The following EIF3L variants were observed in gnomAD, a reference collection of about 807,000 sequenced individuals.
EIF3L encodes eIEF associated protein HSPC021.
Under a neutral mutation model 74.6 loss-of-function variants are expected in EIF3L, and 32 were observed. The observed-to-expected ratio is 0.43, with a 90% CI of 0.32 to 0.58. EIF3L has a LOEUF of 0.58. Among genes scored for constraint, EIF3L ranks in the 20% least tolerant of loss-of-function variants. The pLI is 0.06. For missense variants in EIF3L, 474 were observed against 707.8 expected (o/e 0.67, Z 3.75); for synonymous variants, 256 against 254.4 (o/e 1.01, Z -0.06).
chr22:37,851,687 A>G, intron 3 of EIF3L, 197 bp downstream of exon 3: 1 of 484,930 alleles, frequency 2.1e-6, no homozygotes. Flanking sequence ...ATTTTTTGAA[A>G]CGGAGTGTCA....
At chr22:37,870,702 AT>A (rs997628231) in intron 8 of EIF3L, among the ~76,000 whole-genome samples, 1 of 151,388 alleles carries the variant, frequency 6.6e-6, no homozygotes, top group African/African-American at 2.4e-5. Context: ...ATTTTAAAAA[AT>A]TTTTTTCTTT....
At chr22:37,881,339 A>G (rs1569123841) in intron 11 of EIF3L, 1 of 152,240 alleles carries the variant, frequency 6.6e-6, no homozygotes, top group Non-Finnish European at 1.5e-5. Flanking sequence ...GGTTCAAGCA[A>G]TCCTTCTGTC....
chr22:37,862,240 T>G (rs1925896238), intron 5 of EIF3L, among the ~76,000 whole-genome samples: 1 of 152,162 alleles, frequency 6.6e-6, no homozygotes, highest in East Asian at 1.9e-4. Context: ...TGGGACTGAC[T>G]CCAAAGTTGT....
At chr22:37,853,422 G>A (rs1925334753) in intron 3 of EIF3L, among the ~76,000 whole-genome samples, 1 of 152,232 alleles carries the variant, frequency 6.6e-6, no homozygotes, top group East Asian at 1.9e-4. Context: ...GTGCTGAACT[G>A]TGTTTTCTTT....
chr22:37,855,788 T>C (rs766804719), intron 4 of EIF3L, 144 bp downstream of exon 4: 4 of 605,156 alleles, frequency 6.6e-6, no homozygotes, highest in Non-Finnish European at 1.2e-5. Flanking sequence ...CTTGGCAAAA[T>C]AACTTGTCGA....
At chr22:37,860,024 A>G (rs1925772213) in intron 5 of EIF3L, among the ~76,000 whole-genome samples, 1 of 152,050 alleles carries the variant, frequency 6.6e-6, no homozygotes, top group South Asian at 2.1e-4. Context: ...AAAAGAAAAG[A>G]AAAATGCCAT....
intron 4 of EIF3L, chr22:37,858,464 G>T (rs1056826470): frequency 5.2e-6 from 3 of 579,330 alleles, no homozygotes; most frequent in Non-Finnish European, 9.0e-6. Flanking sequence ...AAATAGATCT[G>T]AATGAGATCT....
At position 37,875,829 on chromosome 22, in the gene EIF3L, C is replaced by T; in HGVS notation, c.907-12C>T. ...TGGGACTCATGAATGTTTGTTCTAC[C>T]TCCTTCTACAGAGTATGTATTCCCG... On this transcript the variant is annotated splice_polypyrimidine_tract_variant and intron_variant, in intron 9 of 12. Transcript: ENST00000652021. 1 of 1,607,588 alleles carries T rather than the reference C, an allele frequency of 6.2e-7. No homozygotes were observed. Among genetic ancestry groups the T allele is most frequent in the Non-Finnish European group, 8.5e-7 (1 of 1,175,280 alleles).
intron 3 of EIF3L, among the ~76,000 whole-genome samples, chr22:37,851,992 C>T (rs1038411936): frequency 2.0e-5 from 3 of 151,694 alleles, no homozygotes; most frequent in African/African-American, 7.3e-5. Context: ...TTAGTAGAGA[C>T]GGGGTTTCAT....
chr22:37,855,531 T>C, intron 3 of EIF3L, 34 bp from the exon 4 acceptor site: 2 of 1,595,064 alleles, frequency 1.3e-6, no homozygotes, highest in Admixed American at 1.7e-5. Context: ...TCCAGTCCTT[T>C]TGGAATTTTA....
Position 37,863,305 on chromosome 22 carries a change from A to C in EIF3L, c.539A>C (p.Asn180Thr). The change falls in exon 7 of 13, where the codon AAC (asparagine) becomes ACC (threonine). Residue 180 changes from asparagine to threonine, a missense_variant. By Grantham distance (65) the Asn-to-Thr change is moderately conservative. Around this residue, in one of 4 missense-constraint regions of EIF3L, gnomAD observed 141 missense variants for 197.7 expected, o/e 0.71. Transcript: ENST00000652021. ...GGTCCTGCTCCCCTTGAACTACCCA[A>C]CCAGTGGCTCTGGGATATTATCGAT... ...ADGPAPLELP[N>T]QWLWDIIDEF... 1 of 1,613,878 alleles carries C rather than the reference A, an allele frequency of 6.2e-7. No individual in the cohort carries two copies. Among genetic ancestry groups the C allele is most frequent in the Non-Finnish European group, 8.5e-7 (1 of 1,179,956 alleles).
chr22:37,877,411 T>C, intron 10 of EIF3L: 5 of 439,626 alleles, frequency 1.1e-5, no homozygotes, highest in Non-Finnish European at 2.0e-5. Flanking sequence ...GACCTGCTAG[T>C]GATGTGTGGG....
chr22:37,849,653 G>A, intron 1 of EIF3L, 171 bp downstream of exon 1: 1 of 721,704 alleles, frequency 1.4e-6, no homozygotes, highest in Non-Finnish European at 2.3e-6. Context: ...CCCTGGCTCT[G>A]CCCGCCCACT....
intron 7 of EIF3L, among the ~76,000 whole-genome samples, chr22:37,868,642 T>TTC (rs1268499029): frequency 3.3e-5 from 3 of 89,576 alleles, no homozygotes; most frequent in Non-Finnish European, 6.5e-5. Context: ...TGCTTTTTTT[T>TTC]TTTTTTTTTT....
In EIF3L at chr22:37,888,884, C is replaced by T. The variant is rs1927454082; in HGVS notation, c.*420C>T. On this transcript the variant is annotated 3_prime_UTR_variant, in exon 13 of 13. Coordinates refer to ENST00000652021, the MANE Select transcript of EIF3L (RefSeq NM_016091.4). ...CCTTCCAAGTAGCTGGGATTACAGG[C>T]GTGTGCCACCACACTCAGCTAATTT... 1.2e-5 allele frequency: 2 copies of T among 171,124 alleles called. No homozygotes were observed. Among genetic ancestry groups the T allele is most frequent in the Admixed American group, 6.3e-5 (1 of 15,968 alleles). The allele number at this position is 171,124 out of a possible 1,614,324, so 10.6% of individuals were successfully genotyped here.
Position 37,868,052 on chromosome 22 carries a change from C to A in EIF3L, c.580-2124C>A, listed in dbSNP as rs370591156. Among the ~76,000 whole-genome samples, 102 of 147,334 alleles carry A rather than the reference C, an allele frequency of 6.9e-4. 4 individuals carry two copies. In the South Asian group the frequency reaches 0.021, roughly 31 times the overall value. On this transcript the variant is annotated intron_variant, in intron 7 of 12. Transcript: ENST00000652021. ...TTTCTTTGAAGTGATCATCACTATT[C>A]TTTGCCTGTTTTCTATTTGATTGCT...
At chr22:37,887,063 G>A (rs957543769) in intron 12 of EIF3L, 5 of 365,134 alleles carry the variant, frequency 1.4e-5, no homozygotes, top group Admixed American at 3.7e-5. Context: ...CGCATAGCTG[G>A]AATTACAGGT....
chr22:37,870,444 A>T, intron 8 of EIF3L, 97 bp downstream of exon 8: 2 of 1,248,928 alleles, frequency 1.6e-6, no homozygotes, highest in South Asian at 3.0e-5. Context: ...CAGATGAGTC[A>T]CCATGTCTTA....
chr22:37,867,389 T>TG (rs1260999734), intron 7 of EIF3L, among the ~76,000 whole-genome samples: 2 of 152,102 alleles, frequency 1.3e-5, no homozygotes, highest in Non-Finnish European at 2.9e-5. Context: ...CCGGGCGCAG[T>TG]GGCTCACGCC....
Sources: gnomAD v4.1 joint callset for allele counts (sites outside exome capture counted in the v4.1 genomes callset) on GRCh38, gnomAD v4.1.1 for gene constraint, gnomAD v4.1.1 regional missense constraint, MANE v1.5 for transcripts, NCBI Gene and HGNC (gene_info 2026-07-23, HGNC 2026-07-21) for gene names.